Variants in SCAPER observed in about 807,000 individuals in gnomAD.
The protein encoded by SCAPER is S-phase cyclin A associated protein in the ER, also known as S phase cyclin A-associated protein in the endoplasmic reticulum.
Under a neutral mutation model 182.2 loss-of-function variants are expected in SCAPER, and 98 were observed. The observed-to-expected ratio is 0.54, with a 90% CI of 0.46 to 0.64. SCAPER has a LOEUF of 0.64. Ranked by LOEUF, SCAPER falls within the 30% of genes least tolerant of loss-of-function variation. The probability of loss-of-function intolerance (pLI) is 0.00; values close to 1 mark genes in which losing one functional copy is unlikely to be tolerated. For synonymous variants in SCAPER, 605 were observed against 564.6 expected, an observed-to-expected ratio of 1.07 and a Z score of -1.01; for missense variants, 1,432 against 1,690.0, an observed-to-expected ratio of 0.85 and a Z score of 2.68.
intron 5 of SCAPER, among the ~76,000 whole-genome samples, chr15:76,839,173 ATAC>A (rs1477967482): frequency 6.6e-6 from 1 of 152,228 alleles, no homozygotes. Context: ...AACAGGAAAG[ATAC>A]TTTTCACATC....
At chr15:76,365,726 T>C (rs528882722) in intron 29 of SCAPER, among the ~76,000 whole-genome samples, 1 of 152,308 alleles carries the variant, frequency 6.6e-6, no homozygotes, top group Non-Finnish European at 1.5e-5. Context: ...GGAGGAAGGC[T>C]GGTCACAGAA....
At chr15:76,682,029 C>T (rs964510329) in intron 20 of SCAPER, among the ~76,000 whole-genome samples, 1 of 152,192 alleles carries the variant, frequency 6.6e-6, no homozygotes, top group African/African-American at 2.4e-5. Context: ...CCCAGCATGA[C>T]TGCACCACTT....
At chr15:76,546,237 T>C (rs529464099) in intron 23 of SCAPER, among the ~76,000 whole-genome samples, 1 of 152,290 alleles carries the variant, frequency 6.6e-6, no homozygotes, top group African/African-American at 2.4e-5. Context: ...AAGACCAGGA[T>C]GTTTTATGTT....
intron 4 of SCAPER, among the ~76,000 whole-genome samples, chr15:76,854,019 C>A (rs1209161831): frequency 6.6e-6 from 1 of 152,074 alleles, no homozygotes; most frequent in Non-Finnish European, 1.5e-5. Context: ...TCCTGTAATC[C>A]CAGCACTTTG....
At chr15:76,618,029 C>G (rs1189334215) in intron 22 of SCAPER, among the ~76,000 whole-genome samples, 1 of 152,116 alleles carries the variant, frequency 6.6e-6, no homozygotes, top group Admixed American at 6.5e-5. Flanking sequence ...GAGGCCAAGG[C>G]GGGTGGATCA....
chr15:76,368,778 A>T (rs1458795921), intron 29 of SCAPER, among the ~76,000 whole-genome samples: 1 of 152,252 alleles, frequency 6.6e-6, no homozygotes, highest in Non-Finnish European at 1.5e-5. Context: ...GAGTACGCAA[A>T]GGTGCATATT....
At chr15:76,701,101 A>AG in intron 20 of SCAPER, among the ~76,000 whole-genome samples, 1 of 151,886 alleles carries the variant, frequency 6.6e-6, no homozygotes, top group South Asian at 2.1e-4. Flanking sequence ...TACCTAAAAA[A>AG]AAAAAAAAGT....
intron 23 of SCAPER, among the ~76,000 whole-genome samples, chr15:76,539,708 G>A (rs2044559892): frequency 6.6e-6 from 1 of 151,940 alleles, no homozygotes; most frequent in African/African-American, 2.4e-5. Context: ...ACCTCACCCA[G>A]CTAATTTTTT....
Position 76,610,524 on chromosome 15 carries a change from G to A in SCAPER, c.2711+11240C>T, listed in dbSNP as rs1233031012. On this transcript the variant is annotated intron_variant, in intron 22 of 31. Coordinates refer to ENST00000563290, the MANE Select transcript of SCAPER (RefSeq NM_020843.4). Reference sequence around the variant, plus strand: ...TGGATATGACAAAATCACACACAAAGAAAACCGTAAAGATTCTACAAAAAA... The same window carrying A: ...TGGATATGACAAAATCACACACAAAAAAAACCGTAAAGATTCTACAAAAAA... 3.3e-5 allele frequency among the ~76,000 whole-genome samples: 5 copies of A among 152,118 alleles called. No individual in the cohort carries two copies. In the East Asian group the frequency reaches 9.7e-4, roughly 29 times the overall value.
chr15:76,848,315 T>C (rs1011574700), intron 4 of SCAPER, among the ~76,000 whole-genome samples: 1 of 127,162 alleles, frequency 7.9e-6, no homozygotes, highest in Non-Finnish European at 1.6e-5. Context: ...CATTGTGTTT[T>C]TTTTGGGGTT....
intron 15 of SCAPER, among the ~76,000 whole-genome samples, chr15:76,734,884 CTATA>C (rs915335314): frequency 1.3e-5 from 2 of 151,264 alleles, no homozygotes; most frequent in Middle Eastern, 3.4e-3. Flanking sequence ...CTCTCTCTCT[CTATA>C]TATATATATA....
intron 23 of SCAPER, among the ~76,000 whole-genome samples, chr15:76,511,885 ATTTTTT>A (rs57258010): frequency 1.8e-5 from 2 of 113,624 alleles, no homozygotes; most frequent in African/African-American, 7.0e-5. Flanking sequence ...ATATATATAT[ATTTTTT>A]TTTTTTTTTG....
At chr15:76,497,968 T>A (rs1248019464) in intron 24 of SCAPER, among the ~76,000 whole-genome samples, 1 of 116,416 alleles carries the variant, frequency 8.6e-6, no homozygotes, top group Non-Finnish European at 1.6e-5. Flanking sequence ...TCCAGCCTGG[T>A]GATGGAGCGA....
At chr15:76,617,315 A>G (rs1028938320) in intron 22 of SCAPER, among the ~76,000 whole-genome samples, 1 of 152,210 alleles carries the variant, frequency 6.6e-6, no homozygotes, top group African/African-American at 2.4e-5. Flanking sequence ...CTGCTAGAGT[A>G]AGGAGTGAAA....
chr15:76,722,515 C>T (rs1415439035), intron 17 of SCAPER, among the ~76,000 whole-genome samples: 4 of 152,134 alleles, frequency 2.6e-5, no homozygotes, highest in Admixed American at 2.6e-4. Flanking sequence ...CCAGCTCCTC[C>T]TTGTACCTCT....
chr15:76,605,644 A>G (rs970992735), intron 22 of SCAPER, among the ~76,000 whole-genome samples: 8 of 152,134 alleles, frequency 5.3e-5, no homozygotes, highest in Non-Finnish European at 7.4e-5. Context: ...CTGTGAATCC[A>G]TCTAGTCCTG....
chr15:76,652,371 CATATATATATAT>C (rs56164668), intron 21 of SCAPER, among the ~76,000 whole-genome samples: 6 of 8,064 alleles, frequency 7.4e-4, no homozygotes, highest in Non-Finnish European at 1.1e-3. Context: ...CACACACACA[CATATATATATAT>C]ATATATATAT....
chr15:76,613,523 T>A (rs1017778559), intron 22 of SCAPER, among the ~76,000 whole-genome samples: 26 of 151,996 alleles, frequency 1.7e-4, no homozygotes, highest in African/African-American at 5.8e-4. Context: ...AAACTATGCA[T>A]CTAACAAAAT....
intron 23 of SCAPER, among the ~76,000 whole-genome samples, chr15:76,568,277 T>C (rs1407674164): frequency 1.3e-5 from 2 of 151,502 alleles, no homozygotes; most frequent in Non-Finnish European, 2.9e-5. Flanking sequence ...TTTTTCTCCG[T>C]CTTGTCTCCA....
Sources: gnomAD v4.1 joint callset for allele counts (sites outside exome capture counted in the v4.1 genomes callset) on GRCh38, gnomAD v4.1.1 for gene constraint, MANE v1.5 for transcripts, NCBI Gene and HGNC (gene_info 2026-07-23, HGNC 2026-07-21) for gene names.